POFUT1: variants seen among roughly 807,000 people sequenced by gnomAD.
POFUT1 encodes GDP-fucose protein O-fucosyltransferase 1.
POFUT1 carries 16 observed loss-of-function variants against 42.4 expected under a neutral mutation model. The observed-to-expected ratio is 0.38, with a 90% CI of 0.26 to 0.57. The LOEUF (loss-of-function observed/expected upper bound fraction) is 0.57. Ranked by LOEUF, POFUT1 falls within the 20% of genes least tolerant of loss-of-function variation. The pLI is 0.71. For synonymous variants in POFUT1, 206 were observed against 205.4 expected, an observed-to-expected ratio of 1.00 and a Z score of -0.03; for missense variants, 470 against 504.6, an observed-to-expected ratio of 0.93 and a Z score of 0.66.
In POFUT1 at chr20:32,231,063, T is replaced by C; in HGVS notation, c.978+2T>C. 1 of 1,614,026 alleles carries C rather than the reference T, an allele frequency of 6.2e-7. No homozygotes were observed. The highest frequency in any genetic ancestry group is 8.5e-7 in the Non-Finnish European group (1 of 1,179,990). ...CTCCAACAGCTCTTCAAAGGGAAGG[T>C]ATGTGTGGGCCAAGTGGGAGTGCAG... is the stretch of plus-strand genomic sequence containing the variant. On this transcript the variant is annotated splice_donor_variant, in intron 6 of 6. Transcript: ENST00000375749. LOFTEE classifies it high-confidence loss of function.
chr20:32,223,209 G>C lies in POFUT1; in HGVS notation c.543-5054G>C, dbSNP rs182438277. 1.2e-5 allele frequency: 12 copies of C among 985,492 alleles called. No homozygotes were observed. The African/African-American group carries it at 2.1e-4, about 17-fold the overall frequency. The allele number at this position is 985,492 out of a possible 1,614,324, so 61.0% of individuals were successfully genotyped here. ...CCAGCTGACTTCAGCTGGATAGCAAGAGGCAAAGGGCCTGACCAAGGGTGA... is the reference window on the plus strand; with the variant it reads ...CCAGCTGACTTCAGCTGGATAGCAACAGGCAAAGGGCCTGACCAAGGGTGA... On this transcript the variant is annotated intron_variant, in intron 4 of 6. Transcript: ENST00000375749.
intron 4 of POFUT1, among the ~76,000 whole-genome samples, chr20:32,227,394 T>C (rs2047420026): frequency 6.6e-6 from 1 of 152,058 alleles, no homozygotes; most frequent in African/African-American, 2.4e-5. Flanking sequence ...GTGGCACTTA[T>C]CTGTAGTCCC....
chr20:32,228,362 G>A lies in POFUT1; in HGVS notation c.642G>A (p.Trp214Ter). Residue 214 changes from tryptophan (W) to a stop codon, truncating the protein, a stop_gained, in exon 5 of 7, where the codon TGG becomes TGA. Coordinates refer to ENST00000375749, the MANE Select transcript of POFUT1 (RefSeq NM_015352.2). LOFTEE classifies it high-confidence loss of function. Reference protein sequence around the residue: ...EHRPLQKYMVWSDEMVKTGEA... With the variant: ...EHRPLQKYMV ...GGCCACTACAGAAGTACATGGTATG[G>A]TCAGACGAAATGGTGAAGACGGGAG... 6.2e-7 allele frequency: 1 copy of A among 1,614,202 alleles called. No individual in the cohort carries two copies. Among genetic ancestry groups the A allele is most frequent in the Non-Finnish European group, 8.5e-7 (1 of 1,180,026 alleles).
rs533787587 is a variant in POFUT1, at chr20:32,227,679, G to A, written c.543-584G>A. On this transcript the variant is annotated intron_variant, in intron 4 of 6. Transcript: ENST00000375749. ...GTGTATGAGGGGGAAGCAGGGGCTT[G>A]GGAGGGCATGATAGGGGCACCTGCA... 8.5e-5 allele frequency among the ~76,000 whole-genome samples: 13 copies of A among 152,360 alleles called. No individual in the cohort carries two copies. The South Asian group carries it at 1.9e-3, about 22-fold the overall frequency.
At chr20:32,224,421 A>G (rs1261747300) in intron 4 of POFUT1, among the ~76,000 whole-genome samples, 1 of 152,124 alleles carries the variant, frequency 6.6e-6, no homozygotes, top group African/African-American at 2.4e-5. Flanking sequence ...ACTAGAGTCT[A>G]GCAAGATAAG....
chr20:32,221,492 C>T (rs1231821695), intron 4 of POFUT1, among the ~76,000 whole-genome samples: 1 of 151,980 alleles, frequency 6.6e-6, no homozygotes, highest in African/African-American at 2.4e-5. Flanking sequence ...GGCAGGTGAT[C>T]GCTTGAGCCC....
chr20:32,228,475 C>G lies in POFUT1; in HGVS notation c.735+20C>G. 1 of 1,607,462 alleles carries G rather than the reference C, an allele frequency of 6.2e-7. No individual in the cohort carries two copies. The highest frequency in any genetic ancestry group is 8.5e-7 in the Non-Finnish European group (1 of 1,175,328). ...GACTGGGTAACTTCCCCCTTCCTCT[C>G]TCACTGGCTAACTTGGATGTGTCCC... On this transcript the variant is annotated intron_variant, in intron 5 of 6. Transcript: ENST00000375749.
chr20:32,216,761 G>A (rs779862090), intron 4 of POFUT1, 40 bp downstream of exon 4: 13 of 1,439,762 alleles, frequency 9.0e-6, no homozygotes, highest in African/African-American at 4.2e-5. Flanking sequence ...TAGGGGAGGC[G>A]CATGGAGCTC....
intron 6 of POFUT1, among the ~76,000 whole-genome samples, chr20:32,233,203 G>C (rs1208439289): frequency 1.3e-5 from 2 of 152,244 alleles, no homozygotes; most frequent in Non-Finnish European, 2.9e-5. Flanking sequence ...ACTATAAGCA[G>C]AGATGTGTGC....
intron 4 of POFUT1, among the ~76,000 whole-genome samples, chr20:32,226,679 T>C (rs999008256): frequency 6.6e-6 from 1 of 152,206 alleles, no homozygotes; most frequent in African/African-American, 2.4e-5. Flanking sequence ...TTTATATAAA[T>C]GGAACCATAC....
intron 2 of POFUT1, among the ~76,000 whole-genome samples, chr20:32,212,333 A>G (rs142676756): frequency 6.6e-6 from 1 of 151,292 alleles, no homozygotes; most frequent in Admixed American, 6.6e-5. Flanking sequence ...GTGCAGTGGC[A>G]TGATCATCGC....
intron 1 of POFUT1, among the ~76,000 whole-genome samples, chr20:32,209,617 G>A (rs2047315851): frequency 6.6e-6 from 1 of 152,228 alleles, no homozygotes; most frequent in Non-Finnish European, 1.5e-5. Context: ...CAGGAAGTGA[G>A]CAAAGATACT....
chr20:32,222,073 G>A (rs1022765145), intron 4 of POFUT1, among the ~76,000 whole-genome samples: 7 of 152,000 alleles, frequency 4.6e-5, no homozygotes, highest in Non-Finnish European at 8.8e-5. Flanking sequence ...AGAGGCAGGC[G>A]GATCACTTGA....
rs973625584 is a variant in POFUT1, at chr20:32,234,912, A to G, written c.*251A>G. 4 of 414,876 alleles carry G rather than the reference A, an allele frequency of 9.6e-6. No homozygotes were observed. Among genetic ancestry groups the G allele is most frequent in the Non-Finnish European group, 1.7e-5 (4 of 231,806 alleles). 25.7% of individuals were successfully genotyped at this position (414,876 alleles called of 1,614,324 possible). ...CTTTCTGCTCTTCTGGGAATTTCTC[A>G]CACTGGCAAAGCAGTCCAGCCTCCG... On this transcript the variant is annotated 3_prime_UTR_variant, in exon 7 of 7. Coordinates refer to ENST00000375749, the MANE Select transcript of POFUT1 (RefSeq NM_015352.2).
At chr20:32,231,132 A>G (rs2047441717) in intron 6 of POFUT1, 71 bp downstream of exon 6, 4 of 1,539,988 alleles carry the variant, frequency 2.6e-6, no homozygotes, top group East Asian at 2.5e-5. Flanking sequence ...CCCACTGCCC[A>G]CTGCATGCTT....
chr20:32,218,505 C>T (rs1011248985), intron 4 of POFUT1, among the ~76,000 whole-genome samples: 1 of 152,220 alleles, frequency 6.6e-6, no homozygotes, highest in African/African-American at 2.4e-5. Flanking sequence ...CAGTTCCCTT[C>T]TGGGACTTGC....
At chr20:32,234,344 A>T in intron 6 of POFUT1, 129 bp from the exon 7 acceptor site, 1 of 870,160 alleles carries the variant, frequency 1.1e-6, no homozygotes, top group Non-Finnish European at 1.7e-6. Context: ...ACACTGAACC[A>T]CATCTTCCTC....
chr20:32,219,686 A>T (rs960011580), intron 4 of POFUT1, among the ~76,000 whole-genome samples: 1 of 151,664 alleles, frequency 6.6e-6, no homozygotes, highest in African/African-American at 2.4e-5. Context: ...TTTAGTAGAG[A>T]CGGGGTTTCA....
intron 4 of POFUT1, among the ~76,000 whole-genome samples, chr20:32,221,867 C>G (rs1202355946): frequency 6.6e-6 from 1 of 152,128 alleles, no homozygotes; most frequent in East Asian, 1.9e-4. Context: ...GGCTACAAGT[C>G]TAGGTGTGTC....
Sources: allele counts gnomAD v4.1 joint callset (sites outside exome capture counted in the v4.1 genomes callset), GRCh38; gene constraint gnomAD v4.1.1; transcripts MANE v1.5; gene names NCBI Gene and HGNC (gene_info 2026-07-23, HGNC 2026-07-21).